PCDHGB6: variants seen among roughly 807,000 people sequenced by gnomAD.
PCDHGB6 encodes protocadherin gamma-B6.
In PCDHGB6, 51 loss-of-function variants were observed where a neutral mutation model predicts 59.1. The observed-to-expected ratio is 0.86, with a 90% CI of 0.69 to 1.09. The LOEUF (loss-of-function observed/expected upper bound fraction) is 1.09, where lower values mean the gene tolerates loss of function less well. PCDHGB6 is among the 50% of genes least tolerant of loss of function. The pLI, the probability that PCDHGB6 is intolerant of heterozygous loss-of-function variation, is 0.00. For missense variants in PCDHGB6, 1,148 were observed against 1,205.1 expected, an observed-to-expected ratio of 0.95 and a Z score of 0.70; for synonymous variants, 466 against 495.1, an observed-to-expected ratio of 0.94 and a Z score of 0.78.
At chr5:141,461,178 G>A (rs2154567263) in intron 1 of PCDHGB6, among the ~76,000 whole-genome samples, 1 of 152,144 alleles carries the variant, frequency 6.6e-6, no homozygotes, top group East Asian at 1.9e-4. Context: ...TGGATTGAAT[G>A]GTAGATCTGT....
chr5:141,412,963 G>T, intron 1 of PCDHGB6: 1 of 518,228 alleles, frequency 1.9e-6, no homozygotes, highest in East Asian at 3.1e-5. Context: ...TCACCTACTA[G>T]GAGAGAAAAC....
intron 1 of PCDHGB6, among the ~76,000 whole-genome samples, chr5:141,454,062 A>T (rs548960162): frequency 6.6e-6 from 1 of 152,380 alleles, no homozygotes; most frequent in East Asian, 1.9e-4. Context: ...CAAAGAAACA[A>T]AAGTGATAAT....
Position 141,487,819 on chromosome 5 carries a change from C to T in PCDHGB6, c.2419-6988C>T, listed in dbSNP as rs559702138. 28 of 1,285,530 alleles carry T rather than the reference C, an allele frequency of 2.2e-5. No homozygotes were observed. The highest frequency in any genetic ancestry group is 7.6e-5 in the East Asian group (3 of 39,466). 79.6% of individuals were successfully genotyped at this position (1,285,530 alleles called of 1,614,324 possible). ...AGTTGTCACAGTTTAGCATTGGGGG[C>T]GGGTCATGCCTATATCTGAGTAAGA... is the stretch of plus-strand genomic sequence containing the variant. On this transcript the variant is annotated intron_variant, in intron 1 of 3. Transcript: ENST00000520790. The surrounding 1 kb of genome is among the most constrained non-coding windows in gnomAD (Gnocchi z 5.0).
At chr5:141,420,359 A>G in intron 1 of PCDHGB6, 1 of 1,378,858 alleles carries the variant, frequency 7.3e-7, no homozygotes, top group Non-Finnish European at 9.6e-7. Flanking sequence ...TTAAGATTCT[A>G]GATAACTTCT....
intron 2 of PCDHGB6, among the ~76,000 whole-genome samples, chr5:141,496,703 GT>G (rs1360916053): frequency 6.6e-6 from 1 of 152,132 alleles, no homozygotes; most frequent in East Asian, 1.9e-4. Context: ...CTTCTCATAA[GT>G]TATCCATTAA....
At chr5:141,461,963 C>T (rs1396490046) in intron 1 of PCDHGB6, among the ~76,000 whole-genome samples, 1 of 152,084 alleles carries the variant, frequency 6.6e-6, no homozygotes, top group Non-Finnish European at 1.5e-5. Flanking sequence ...AGCTGGGATT[C>T]CAGGCATATG....
chr5:141,425,394 G>T (rs186813737), intron 1 of PCDHGB6, among the ~76,000 whole-genome samples: 10 of 152,302 alleles, frequency 6.6e-5, no homozygotes, highest in African/African-American at 2.4e-4. Context: ...TAGTGATAAA[G>T]TTCTGTTAAG....
At chr5:141,480,240 CAAA>C (rs11374694) in intron 1 of PCDHGB6, among the ~76,000 whole-genome samples, 1 of 114,046 alleles carries the variant, frequency 8.8e-6, no homozygotes, top group African/African-American at 3.3e-5. Flanking sequence ...CCTGTCTCTA[CAAA>C]AAAAAAAAAA....
At chr5:141,443,126 A>G (rs972396091) in intron 1 of PCDHGB6, among the ~76,000 whole-genome samples, 1 of 152,190 alleles carries the variant, frequency 6.6e-6, no homozygotes, top group Non-Finnish European at 1.5e-5. Context: ...AACCAGATTA[A>G]GAACACTATC....
chr5:141,415,249 G>A (rs756443082), intron 1 of PCDHGB6: 1 of 1,614,204 alleles, frequency 6.2e-7, no homozygotes, highest in South Asian at 1.1e-5. Context: ...TGAAACCTCA[G>A]ACCTCACTCT....
At chr5:141,421,370 A>G (rs765775416) in intron 1 of PCDHGB6, 4 of 1,613,916 alleles carry the variant, frequency 2.5e-6, no homozygotes, top group African/African-American at 1.3e-5. Flanking sequence ...TTCGTGGGCA[A>G]TATCTCCAAG....
rs114740440 is a variant in PCDHGB6 at position 141,426,595 on chromosome 5, C to T, written c.2418+15975C>T. The T allele has an allele frequency of 4.0e-3, 1,518 of 375,912 alleles. 5 individuals carry two copies. Among genetic ancestry groups the T allele is most frequent in the Non-Finnish European group, 5.9e-3 (1,105 of 185,722 alleles). 23.3% of individuals were successfully genotyped at this position (375,912 alleles called of 1,614,324 possible). ...GTCTTCAAAATCCTCTGTGTCATAC[C>T]CTTAGAGATTGTAGCAGAGAATCCT... On this transcript the variant is annotated intron_variant, in intron 1 of 3. Coordinates refer to ENST00000520790, the MANE Select transcript of PCDHGB6 (RefSeq NM_018926.3).
At chr5:141,478,169 G>T in intron 1 of PCDHGB6, 1 of 1,613,834 alleles carries the variant, frequency 6.2e-7, no homozygotes, top group Non-Finnish European at 8.5e-7. Flanking sequence ...TGCCCCCCGG[G>T]AGCAGAAAAA....
At chr5:141,446,069 C>T (rs552817495) in intron 1 of PCDHGB6, among the ~76,000 whole-genome samples, 1 of 152,102 alleles carries the variant, frequency 6.6e-6, no homozygotes, top group South Asian at 2.1e-4. Flanking sequence ...AAAGGGGAGG[C>T]AGTGGATGTA....
chr5:141,413,388 C>T (rs765673305), intron 1 of PCDHGB6: 39 of 1,614,012 alleles, frequency 2.4e-5, no homozygotes, highest in Non-Finnish European at 3.2e-5. Context: ...TCCGCATAGT[C>T]TCCAGAGGTA....
chr5:141,481,151 G>A (rs1326614212), intron 1 of PCDHGB6, among the ~76,000 whole-genome samples: 1 of 152,198 alleles, frequency 6.6e-6, no homozygotes, highest in African/African-American at 2.4e-5. Context: ...TGTTATTCTG[G>A]TATTTGCAGA....
intron 1 of PCDHGB6, chr5:141,422,847 C>G (rs1271794821): frequency 7.4e-6 from 12 of 1,614,234 alleles, no homozygotes; most frequent in Non-Finnish European, 1.0e-5. Context: ...ACAGCGGGGA[C>G]CCGCCCCTCA....
At position 141,491,872 on chromosome 5, in the gene PCDHGB6, G is replaced by A; in HGVS notation, c.2419-2935G>A. On this transcript the variant is annotated intron_variant, in intron 1 of 3. Transcript: ENST00000520790. The surrounding 1 kb of genome is among the most constrained non-coding windows in gnomAD (Gnocchi z 6.9). ...CCGTTTGCGCGAAACCAGAGTGGCCGATTAAGGGATGGGGCTCCGAGCACC... is the reference window on the plus strand; with the variant it reads ...CCGTTTGCGCGAAACCAGAGTGGCCAATTAAGGGATGGGGCTCCGAGCACC... 6.9e-7 allele frequency: 1 copy of A among 1,452,190 alleles called. No individual in the cohort carries two copies. The highest frequency in any genetic ancestry group is 9.1e-7 in the Non-Finnish European group (1 of 1,098,644). The allele number at this position is 1,452,190 out of a possible 1,614,324, so 90.0% of individuals were successfully genotyped here.
Position 141,485,048 on chromosome 5 carries a change from C to T in PCDHGB6, c.2419-9759C>T. ...AAACGGCGCGTAACCCTTGCGGCGC[C>T]GGCCGAACCGCGCCAGAGCTGGCGC... On this transcript the variant is annotated intron_variant, in intron 1 of 3. Transcript: ENST00000520790. The surrounding 1 kb of genome is among the most constrained non-coding windows in gnomAD (Gnocchi z 5.7). 1 of 770,392 alleles carries T rather than the reference C, an allele frequency of 1.3e-6. No individual in the cohort carries two copies. Among genetic ancestry groups the T allele is most frequent in the South Asian group, 1.7e-5 (1 of 58,120 alleles). 47.7% of individuals were successfully genotyped at this position (770,392 alleles called of 1,614,324 possible). A position where few individuals can be genotyped will look rare whatever the true frequency, so the allele number is the denominator to read the frequency against.
Sources: allele counts gnomAD v4.1 joint callset (sites outside exome capture counted in the v4.1 genomes callset), GRCh38; gene constraint gnomAD v4.1.1; non-coding constraint Gnocchi (gnomAD v3.1); transcripts MANE v1.5; gene names NCBI Gene and HGNC (gene_info 2026-07-23, HGNC 2026-07-21).